ATXN1: variants seen among roughly 807,000 people sequenced by gnomAD.
ATXN1 encodes the protein ataxin-1.
A neutral mutation model predicts 56.4 loss-of-function variants in ATXN1; 8 were observed. The ratio of observed to expected loss-of-function variants is 0.14; its 90% CI spans 0.08 to 0.26. The LOEUF (loss-of-function observed/expected upper bound fraction) is 0.26. Among genes scored for constraint, ATXN1 ranks in the 10% least tolerant of loss-of-function variants. The probability of loss-of-function intolerance (pLI) is 1.00; values close to 1 mark genes in which losing one functional copy is unlikely to be tolerated. For synonymous variants in ATXN1, 514 were observed against 494.6 expected (o/e 1.04, Z -0.52); for missense variants, 987 against 1,106.5 (o/e 0.89, Z 1.53).
intron 6 of ATXN1, among the ~76,000 whole-genome samples, chr6:16,478,701 GA>G (rs1461242447): frequency 6.6e-6 from 1 of 152,134 alleles, no homozygotes; most frequent in Non-Finnish European, 1.5e-5. Context: ...CAAAGTCTTG[GA>G]TTTTAGCCCT....
chr6:16,598,511 A>G (rs948690315), intron 3 of ATXN1, among the ~76,000 whole-genome samples: 1 of 152,176 alleles, frequency 6.6e-6, no homozygotes, highest in Non-Finnish European at 1.5e-5. Context: ...TTGACCCTCA[A>G]GTTCATCCGC....
intron 1 of ATXN1, among the ~76,000 whole-genome samples, chr6:16,758,571 G>C (rs1760958263): frequency 6.6e-6 from 1 of 152,178 alleles, no homozygotes; most frequent in Non-Finnish European, 1.5e-5. Flanking sequence ...TGAAATAGTG[G>C]AGTCTCTCGT....
chr6:16,371,496 C>A (rs548723413), intron 6 of ATXN1, among the ~76,000 whole-genome samples: 220 of 152,026 alleles, frequency 1.4e-3, no homozygotes, highest in South Asian at 3.5e-3. Flanking sequence ...AAAAGATATG[C>A]AAGATGTTAA....
intron 3 of ATXN1, among the ~76,000 whole-genome samples, chr6:16,648,039 C>T (rs1763831332): frequency 6.6e-6 from 1 of 152,218 alleles, no homozygotes; most frequent in Admixed American, 6.5e-5. Context: ...TGCGCTATTG[C>T]ACTCCAGCCT....
chr6:16,528,838 C>G (rs1051485410), intron 4 of ATXN1, among the ~76,000 whole-genome samples: 21 of 152,144 alleles, frequency 1.4e-4, no homozygotes, highest in Admixed American at 5.2e-4. Context: ...TGGCAACATG[C>G]ACGAGAGATT....
At chr6:16,591,892 T>TA (rs1762729649) in intron 3 of ATXN1, among the ~76,000 whole-genome samples, 4 of 152,186 alleles carry the variant, frequency 2.6e-5, no homozygotes, top group Admixed American at 6.5e-5. Context: ...ATGAAACTCT[T>TA]AGCGTTTTCA....
chr6:16,660,663 C>A (rs1365571172), intron 2 of ATXN1, among the ~76,000 whole-genome samples: 2 of 151,898 alleles, frequency 1.3e-5, no homozygotes, highest in African/African-American at 4.8e-5. Flanking sequence ...TTGAATGTTT[C>A]AAATCAAATA....
intron 5 of ATXN1, among the ~76,000 whole-genome samples, chr6:16,511,985 C>T (rs1761089690): frequency 6.6e-6 from 1 of 152,194 alleles, no homozygotes; most frequent in South Asian, 2.1e-4. Flanking sequence ...CTTGCCTCTC[C>T]AGCCCCCATC....
intron 7 of ATXN1, among the ~76,000 whole-genome samples, chr6:16,316,517 C>T (rs752262780): frequency 2.5e-4 from 38 of 152,022 alleles, no homozygotes; most frequent in African/African-American, 8.5e-4. Flanking sequence ...GAGGCAGAGG[C>T]GGGCTGATCA....
intron 2 of ATXN1, among the ~76,000 whole-genome samples, chr6:16,715,223 A>G (rs1462370056): frequency 1.3e-5 from 2 of 152,216 alleles, no homozygotes; most frequent in Admixed American, 6.5e-5. Flanking sequence ...ATATCCCATC[A>G]GCCTGGCCCC....
intron 1 of ATXN1, among the ~76,000 whole-genome samples, chr6:16,753,802 C>T (rs1289464830): frequency 6.6e-6 from 1 of 152,134 alleles, no homozygotes; most frequent in African/African-American, 2.4e-5. Flanking sequence ...AAGTGCACAG[C>T]TATTAGCATA....
intron 2 of ATXN1, among the ~76,000 whole-genome samples, chr6:16,675,492 T>C (rs1039224679): frequency 6.6e-6 from 1 of 152,198 alleles, no homozygotes; most frequent in African/African-American, 2.4e-5. Flanking sequence ...TATGTAATGA[T>C]ATTGGCCTGA....
intron 6 of ATXN1, among the ~76,000 whole-genome samples, chr6:16,469,808 A>G (rs534132546): frequency 8.5e-5 from 13 of 152,114 alleles, no homozygotes; most frequent in Non-Finnish European, 1.6e-4. Flanking sequence ...TACTAAAAAT[A>G]CAAAATTAGC....
At chr6:16,606,983 T>C (rs944794172) in intron 3 of ATXN1, among the ~76,000 whole-genome samples, 1 of 149,538 alleles carries the variant, frequency 6.7e-6, no homozygotes, top group Admixed American at 6.7e-5. Context: ...GCCTCCCGGG[T>C]TCAAGCGATT....
intron 2 of ATXN1, among the ~76,000 whole-genome samples, chr6:16,713,915 T>C (rs1356832875): frequency 6.6e-6 from 1 of 152,140 alleles, no homozygotes; most frequent in African/African-American, 2.4e-5. Flanking sequence ...CCCAGTACTT[T>C]GGGAGGCCAA....
chr6:16,664,245 A>G (rs1378727444), intron 2 of ATXN1, among the ~76,000 whole-genome samples: 1 of 152,270 alleles, frequency 6.6e-6, no homozygotes, highest in Non-Finnish European at 1.5e-5. Flanking sequence ...AACAGCTTCA[A>G]AGAGTATAAG....
intron 4 of ATXN1, among the ~76,000 whole-genome samples, chr6:16,556,078 T>G (rs989798460): frequency 6.6e-6 from 1 of 152,224 alleles, no homozygotes; most frequent in East Asian, 1.9e-4. Context: ...TTTCTCAGTA[T>G]TTGGAACTCT....
At chr6:16,309,244 A>T (rs981269934) in intron 7 of ATXN1, among the ~76,000 whole-genome samples, 10 of 148,070 alleles carry the variant, frequency 6.8e-5, no homozygotes, top group South Asian at 4.2e-4. Flanking sequence ...AAAAAAAAAT[A>T]AATAATAATA....
chr6:16,479,886 T>G (rs539808786), intron 6 of ATXN1, among the ~76,000 whole-genome samples: 1 of 152,278 alleles, frequency 6.6e-6, no homozygotes, highest in Admixed American at 6.5e-5. Context: ...GCGTAGTGGC[T>G]GATGCCTATA....
Sources: allele counts gnomAD v4.1 joint callset (sites outside exome capture counted in the v4.1 genomes callset), GRCh38; gene constraint gnomAD v4.1.1; transcripts MANE v1.5; gene names NCBI Gene and HGNC (gene_info 2026-07-23, HGNC 2026-07-21).